Variants in KLF8 observed in about 807,000 individuals in gnomAD.
The protein encoded by KLF8 is KLF transcription factor 8, also known as Krueppel-like factor 8.
Under a neutral mutation model 18.2 loss-of-function variants are expected in KLF8, and 10 were observed. The observed-to-expected ratio is 0.55, with a 90% confidence interval of 0.34 to 0.93. KLF8 has a LOEUF of 0.93. Among genes scored for constraint, KLF8 ranks in the 40% least tolerant of loss-of-function variants. The pLI, the probability that KLF8 is intolerant of heterozygous loss-of-function variation, is 0.02. For missense variants in KLF8, 264 were observed against 277.9 expected (o/e 0.95, Z 0.36); for synonymous variants, 109 against 97.3 (o/e 1.12, Z -0.71).
the KLF8 span, among the ~76,000 whole-genome samples, chrX:56,174,727 G>T: frequency 9.0e-6 from 1 of 111,073 alleles, no homozygotes; most frequent in African/African-American, 3.3e-5. Flanking sequence ...ATCTGGTCTT[G>T]GCCTTTTTTT....
the KLF8 span, among the ~76,000 whole-genome samples, chrX:56,158,676 A>G: frequency 3.6e-5 from 4 of 111,714 alleles, no homozygotes; most frequent in African/African-American, 1.3e-4. Context: ...TTCACTCATG[A>G]TTTGGCTGTT....
At chrX:55,993,160 C>T in the KLF8 span, among the ~76,000 whole-genome samples, 1 of 111,245 alleles carries the variant, frequency 9.0e-6, no homozygotes, top group Non-Finnish European at 1.9e-5. Context: ...TGAGAGTTGG[C>T]ATCCTTGTCT....
At chrX:56,178,823 G>C in the KLF8 span, among the ~76,000 whole-genome samples, 1 of 111,885 alleles carries the variant, frequency 8.9e-6, no homozygotes, top group African/African-American at 3.2e-5. Flanking sequence ...TGAGGGCTCT[G>C]TTCTGTTCCA....
the KLF8 span, among the ~76,000 whole-genome samples, chrX:56,119,475 C>G: frequency 9.0e-6 from 1 of 110,861 alleles, no homozygotes; most frequent in Non-Finnish European, 1.9e-5. Context: ...GTGATCTTGG[C>G]TCATTGCAAC....
chrX:56,081,688 G>T, the KLF8 span, among the ~76,000 whole-genome samples: 2 of 111,876 alleles, frequency 1.8e-5, no homozygotes, highest in Non-Finnish European at 1.9e-5. Context: ...TGTTATGAAA[G>T]TATGTTAGAT....
the KLF8 span, among the ~76,000 whole-genome samples, chrX:56,196,418 T>C: frequency 9.3e-6 from 1 of 107,246 alleles, no homozygotes; most frequent in Non-Finnish European, 1.9e-5. Flanking sequence ...CAAAAAAAAA[T>C]AAAAATAAAT....
the KLF8 span, among the ~76,000 whole-genome samples, chrX:56,179,625 G>A: frequency 8.9e-6 from 1 of 111,757 alleles, no homozygotes; most frequent in South Asian, 3.7e-4. Flanking sequence ...TTGGCTGCAG[G>A]TTTGTCCTAA....
chrX:56,049,470 G>A, the KLF8 span, among the ~76,000 whole-genome samples: 1 of 109,810 alleles, frequency 9.1e-6, no homozygotes. Context: ...AGAGTTTTTA[G>A]CATGAAGGGT....
chrX:55,977,304 G>C, the KLF8 span, among the ~76,000 whole-genome samples: 1 of 111,964 alleles, frequency 8.9e-6, no homozygotes, highest in Non-Finnish European at 1.9e-5. Flanking sequence ...CTTGGTAAAT[G>C]TATGTCTGGG....
chrX:56,258,803 C>G (rs754718896), intron 2 of KLF8, among the ~76,000 whole-genome samples: 3 of 111,309 alleles, frequency 2.7e-5, no homozygotes, highest in Non-Finnish European at 5.7e-5. Context: ...GATACATGGC[C>G]ACAGCACACT....
the KLF8 span, among the ~76,000 whole-genome samples, chrX:55,935,033 A>G: frequency 8.9e-6 from 1 of 112,069 alleles, no homozygotes; most frequent in Middle Eastern, 4.2e-3. Context: ...TTAGTTTCAT[A>G]CTAATACTAA....
intron 2 of KLF8, 28 bp from the exon 3 acceptor site, chrX:56,265,152 G>T: frequency 1.7e-6 from 2 of 1,159,273 alleles, no homozygotes; most frequent in Non-Finnish European, 2.3e-6. Context: ...ACTGACTTAT[G>T]CATCTCTCAT....
chrX:55,937,420 G>T, the KLF8 span, among the ~76,000 whole-genome samples: 2 of 111,761 alleles, frequency 1.8e-5, no homozygotes, highest in African/African-American at 6.5e-5. Context: ...CACAAAGATG[G>T]GGAAAAAACA....
chrX:55,918,613 C>G, the KLF8 span, among the ~76,000 whole-genome samples: 10 of 112,337 alleles, frequency 8.9e-5, no homozygotes, highest in Non-Finnish European at 1.9e-4. Flanking sequence ...TCGAAAACCT[C>G]TAGAAAGAAT....
At chrX:56,025,577 C>T in the KLF8 span, among the ~76,000 whole-genome samples, 2 of 111,967 alleles carry the variant, frequency 1.8e-5, no homozygotes, top group East Asian at 2.8e-4. Flanking sequence ...TCTAGAGAAC[C>T]GCATCTTATT....
chrX:56,083,284 A>T, the KLF8 span, among the ~76,000 whole-genome samples: 1 of 112,300 alleles, frequency 8.9e-6, no homozygotes, highest in African/African-American at 3.2e-5. Context: ...AGGTTCATTT[A>T]ACTCATTTAA....
chrX:56,127,877 C>A, the KLF8 span, among the ~76,000 whole-genome samples: 35 of 110,792 alleles, frequency 3.2e-4, no homozygotes, highest in African/African-American at 1.1e-3. Context: ...AGAAAAAAAA[C>A]AGATAAGGGC....
At chrX:56,168,546 C>T in the KLF8 span, among the ~76,000 whole-genome samples, 2 of 111,660 alleles carry the variant, frequency 1.8e-5, no homozygotes, top group Non-Finnish European at 3.8e-5. Context: ...ATGTGCACAA[C>T]GTGCAGGTTT....
At chrX:56,153,296 A>G in the KLF8 span, among the ~76,000 whole-genome samples, 1 of 110,204 alleles carries the variant, frequency 9.1e-6, no homozygotes, top group Non-Finnish European at 1.9e-5. Flanking sequence ...CAGAGTTTGA[A>G]ATGAGCTATG....
Sources: allele counts gnomAD v4.1 joint callset (sites outside exome capture counted in the v4.1 genomes callset), GRCh38; gene constraint gnomAD v4.1.1; transcripts MANE v1.5; gene names NCBI Gene and HGNC (gene_info 2026-07-23, HGNC 2026-07-21).